Variants in ULK4 observed in about 807,000 individuals in gnomAD.
The protein encoded by ULK4 is inactive serine/threonine-protein kinase ULK4.
In ULK4, 133 loss-of-function variants were observed where a neutral mutation model predicts 160.6. The observed-to-expected ratio is 0.83, with a 90% CI of 0.72 to 0.96. The LOEUF (loss-of-function observed/expected upper bound fraction) is 0.96. ULK4 is among the 40% of genes least tolerant of loss of function. The pLI, the probability that ULK4 is intolerant of heterozygous loss-of-function variation, is 0.00. For synonymous variants in ULK4, 534 were observed against 539.8 expected (o/e 0.99, Z 0.15); for missense variants, 1,580 against 1,499.5 (o/e 1.05, Z -0.89).
At chr3:41,757,830 T>G (rs2125902522) in intron 21 of ULK4, among the ~76,000 whole-genome samples, 1 of 151,878 alleles carries the variant, frequency 6.6e-6, no homozygotes, top group East Asian at 2.0e-4. Context: ...ATTTTTACCG[T>G]GTTAGCCAAG....
In ULK4 at chr3:41,898,417, C is replaced by A. The variant is rs779504434; in HGVS notation, c.1348+15G>T. ...CAAAGAGTCTACATGTTCGATAAGT[C>A]CTTTATGATCCTACCTGAATATGTT... is the stretch of plus-strand genomic sequence containing the variant. On this transcript the variant is annotated intron_variant, in intron 14 of 36. Transcript: ENST00000301831. The A allele has an allele frequency of 3.9e-6, 6 of 1,536,518 alleles. No homozygotes were observed. Among genetic ancestry groups the A allele is most frequent in the Non-Finnish European group, 5.3e-6 (6 of 1,128,394 alleles).
rs555177002 is a variant in ULK4 at position 41,741,321 on chromosome 3, T to C, written c.2321+13040A>G. ...ATACAAATACATGCAAATAGAAGTT[T>C]TGCCACTTTTACTTTACAAACATAA... On this transcript the variant is annotated intron_variant, in intron 22 of 36. Coordinates refer to ENST00000301831, the MANE Select transcript of ULK4 (RefSeq NM_017886.4). Among the ~76,000 whole-genome samples the C allele has an allele frequency of 4.7e-4, 72 of 152,036 alleles. 2 individuals carry two copies. In the South Asian group the frequency reaches 0.015, roughly 31 times the overall value.
intron 35 of ULK4, among the ~76,000 whole-genome samples, chr3:41,371,205 G>T (rs1316825027): frequency 6.6e-6 from 1 of 152,182 alleles, no homozygotes; most frequent in Non-Finnish European, 1.5e-5. Context: ...GGAAGGGGCG[G>T]CTGTGGGCAC....
intron 32 of ULK4, among the ~76,000 whole-genome samples, chr3:41,536,133 T>G (rs749313675): frequency 6.6e-6 from 1 of 152,178 alleles, no homozygotes; most frequent in Non-Finnish European, 1.5e-5. Flanking sequence ...CAGTCAGTTA[T>G]CAGCAAAATC....
intron 31 of ULK4, among the ~76,000 whole-genome samples, chr3:41,612,901 T>G (rs1003222993): frequency 2.6e-5 from 4 of 152,124 alleles, no homozygotes; most frequent in Admixed American, 6.5e-5. Context: ...ACAAAGCTCA[T>G]AAGCAGGTTT....
intron 35 of ULK4, among the ~76,000 whole-genome samples, chr3:41,346,786 T>C (rs1055610578): frequency 1.3e-5 from 2 of 152,230 alleles, no homozygotes; most frequent in East Asian, 1.9e-4. Flanking sequence ...AGATATTCTA[T>C]CTTTGAGCTC....
chr3:41,337,519 G>A (rs1286567515), intron 35 of ULK4, among the ~76,000 whole-genome samples: 6 of 152,218 alleles, frequency 3.9e-5, no homozygotes, highest in East Asian at 1.9e-4. Flanking sequence ...GGAAAAACAC[G>A]CAGGTATGTG....
chr3:41,507,628 A>C (rs929579943), intron 32 of ULK4, among the ~76,000 whole-genome samples: 3 of 151,460 alleles, frequency 2.0e-5, no homozygotes, highest in African/African-American at 4.8e-5. Context: ...AAAAAAAAAA[A>C]AAAAAAAAAA....
chr3:41,639,580 T>C (rs2034099704), intron 30 of ULK4, among the ~76,000 whole-genome samples: 1 of 151,934 alleles, frequency 6.6e-6, no homozygotes, highest in Non-Finnish European at 1.5e-5. Context: ...ATACAAAAAT[T>C]AGCCGACCGT....
chr3:41,772,302 A>G (rs1405876368), intron 21 of ULK4, among the ~76,000 whole-genome samples: 1 of 152,204 alleles, frequency 6.6e-6, no homozygotes. Context: ...GAAAAGATCA[A>G]CAAAATTGAT....
intron 35 of ULK4, among the ~76,000 whole-genome samples, chr3:41,316,101 A>C (rs1190723069): frequency 6.6e-6 from 1 of 152,264 alleles, no homozygotes; most frequent in Non-Finnish European, 1.5e-5. Flanking sequence ...TGTTTATAGA[A>C]GCATTATTAA....
chr3:41,280,576 T>G (rs139204656), intron 35 of ULK4, among the ~76,000 whole-genome samples: 73 of 152,184 alleles, frequency 4.8e-4, no homozygotes, highest in African/African-American at 1.7e-3. Flanking sequence ...AACAACGAAA[T>G]GAAGGCAGAA....
chr3:41,708,945 T>A (rs2036996545), intron 25 of ULK4, among the ~76,000 whole-genome samples: 1 of 152,246 alleles, frequency 6.6e-6, no homozygotes, highest in Non-Finnish European at 1.5e-5. Flanking sequence ...ATGCAACCTA[T>A]GTTTTTTAAA....
chr3:41,452,972 G>A (rs1042705980), intron 34 of ULK4, among the ~76,000 whole-genome samples: 8 of 152,090 alleles, frequency 5.3e-5, no homozygotes, highest in Non-Finnish European at 1.0e-4. Context: ...GAGAACGGTG[G>A]TAGGGAAAAT....
At chr3:41,850,044 G>T (rs2042172004) in intron 17 of ULK4, among the ~76,000 whole-genome samples, 1 of 152,102 alleles carries the variant, frequency 6.6e-6, no homozygotes, top group Non-Finnish European at 1.5e-5. Context: ...TCCCACCTAT[G>T]AGTGAGAACA....
At chr3:41,543,771 GCTGA>G (rs2086769089) in intron 32 of ULK4, among the ~76,000 whole-genome samples, 1 of 151,944 alleles carries the variant, frequency 6.6e-6, no homozygotes, top group South Asian at 2.1e-4. Context: ...TTTCAAATTA[GCTGA>G]CTCTTTTTTC....
chr3:41,538,286 A>G (rs2086580210), intron 32 of ULK4, among the ~76,000 whole-genome samples: 1 of 152,126 alleles, frequency 6.6e-6, no homozygotes, highest in African/African-American at 2.4e-5. Context: ...GAGATTAAGG[A>G]CTATATCACA....
intron 2 of ULK4, among the ~76,000 whole-genome samples, chr3:41,943,696 G>A (rs541114435): frequency 6.6e-6 from 1 of 151,990 alleles, no homozygotes; most frequent in Non-Finnish European, 1.5e-5. Flanking sequence ...CAGGCTCCTG[G>A]CATGGAATCC....
At chr3:41,364,081 G>T (rs769629531) in intron 35 of ULK4, among the ~76,000 whole-genome samples, 1 of 152,008 alleles carries the variant, frequency 6.6e-6, no homozygotes, top group African/African-American at 2.4e-5. Flanking sequence ...ACAGGCATGC[G>T]CCACCACCCT....
Sources: gnomAD v4.1 joint callset for allele counts (sites outside exome capture counted in the v4.1 genomes callset) on GRCh38, gnomAD v4.1.1 for gene constraint, MANE v1.5 for transcripts, NCBI Gene and HGNC (gene_info 2026-07-23, HGNC 2026-07-21) for gene names.